TMEM164: variants seen among roughly 807,000 people sequenced by gnomAD.
TMEM164 encodes RP13-360B22.2.
In TMEM164, 4 loss-of-function variants were observed where a neutral mutation model predicts 18.8. The observed-to-expected ratio is 0.21, with a 90% CI of 0.10 to 0.49. TMEM164 has a LOEUF of 0.49. TMEM164 is among the 20% of genes least tolerant of loss of function. The probability of loss-of-function intolerance (pLI) is 0.98; values close to 1 mark genes in which losing one functional copy is unlikely to be tolerated. For synonymous variants in TMEM164, 86 were observed against 101.7 expected, an observed-to-expected ratio of 0.85 and a Z score of 0.93; for missense variants, 108 against 239.9, an observed-to-expected ratio of 0.45 and a Z score of 3.63.
At chrX:110,115,949 G>T (rs749535995) in intron 4 of TMEM164, among the ~76,000 whole-genome samples, 4 of 110,752 alleles carry the variant, frequency 3.6e-5, no homozygotes, top group Non-Finnish European at 5.7e-5. Flanking sequence ...ATAGCTGGGC[G>T]TGGTGGCACA....
At chrX:110,152,306 G>A (rs142298364) in intron 5 of TMEM164, among the ~76,000 whole-genome samples, 1,650 of 109,843 alleles carry the variant, frequency 0.015, 31 homozygotes, top group African/African-American at 0.051. Flanking sequence ...TGCCCACTTC[G>A]GCCTCCCAAA....
chrX:110,059,056 A>C (rs1219327692), intron 2 of TMEM164, among the ~76,000 whole-genome samples: 1 of 111,425 alleles, frequency 9.0e-6, no homozygotes, highest in African/African-American at 3.3e-5. Flanking sequence ...AGAGTCTGTT[A>C]CCAAATCCTA....
chrX:110,020,108 C>T (rs777163332), intron 2 of TMEM164, among the ~76,000 whole-genome samples: 5 of 112,289 alleles, frequency 4.5e-5, no homozygotes, highest in Non-Finnish European at 7.5e-5. Context: ...TCTATTTTAG[C>T]ATGTTATTCT....
At chrX:110,066,290 A>G (rs895382366) in intron 2 of TMEM164, among the ~76,000 whole-genome samples, 5 of 112,091 alleles carry the variant, frequency 4.5e-5, no homozygotes, top group Non-Finnish European at 1.9e-5. Context: ...TATTAATAAG[A>G]GCTCTCAACA....
chrX:110,093,381 T>C (rs931898222), intron 3 of TMEM164, among the ~76,000 whole-genome samples: 8 of 112,078 alleles, frequency 7.1e-5, no homozygotes, highest in Non-Finnish European at 1.1e-4. Flanking sequence ...GTTATTGTTA[T>C]ATTCAGGGAT....
intron 4 of TMEM164, among the ~76,000 whole-genome samples, chrX:110,116,835 TG>T (rs2066371201): frequency 9.5e-6 from 1 of 105,745 alleles, no homozygotes. Flanking sequence ...TGTGTGTGTG[TG>T]TGTGTGTGTG....
At chrX:110,042,260 G>A (rs1349692300) in intron 2 of TMEM164, among the ~76,000 whole-genome samples, 1 of 110,323 alleles carries the variant, frequency 9.1e-6, no homozygotes, top group Non-Finnish European at 1.9e-5. Context: ...GCCTATTCTA[G>A]GAACCTGTTA....
At chrX:110,150,773 G>A (rs986014423) in intron 5 of TMEM164, among the ~76,000 whole-genome samples, 1 of 111,605 alleles carries the variant, frequency 9.0e-6, no homozygotes, top group Non-Finnish European at 1.9e-5. Flanking sequence ...TTCTTGGAGA[G>A]CTTTCCATGT....
intron 3 of TMEM164, among the ~76,000 whole-genome samples, chrX:110,091,442 A>G (rs2065927869): frequency 8.9e-6 from 1 of 111,746 alleles, no homozygotes; most frequent in African/African-American, 3.3e-5. Context: ...TTTGATTTGC[A>G]TTTCTCTGAT....
At chrX:110,141,409 G>T (rs1225566073) in intron 4 of TMEM164, among the ~76,000 whole-genome samples, 1 of 112,220 alleles carries the variant, frequency 8.9e-6, no homozygotes, top group Non-Finnish European at 1.9e-5. Context: ...AGAAAAAGAG[G>T]TTTAATGGAC....
intron 4 of TMEM164, among the ~76,000 whole-genome samples, chrX:110,110,903 C>A (rs1485691918): frequency 8.9e-6 from 1 of 112,427 alleles, no homozygotes; most frequent in Non-Finnish European, 1.9e-5. Flanking sequence ...CTGCAGACCA[C>A]CTGCATCAGA....
chrX:110,154,816 A>G (rs1477611120), intron 5 of TMEM164, among the ~76,000 whole-genome samples: 1 of 111,927 alleles, frequency 8.9e-6, no homozygotes, highest in Non-Finnish European at 1.9e-5. Context: ...GACTGTAGGT[A>G]CAAATCCTAG....
chrX:110,114,568 G>A (rs972962160), intron 4 of TMEM164, among the ~76,000 whole-genome samples: 3 of 111,930 alleles, frequency 2.7e-5, no homozygotes, highest in Non-Finnish European at 5.6e-5. Context: ...CAGTACTCAC[G>A]TGCAAAGCTA....
intron 2 of TMEM164, among the ~76,000 whole-genome samples, chrX:110,021,322 A>AG (rs754270174): frequency 9.0e-6 from 1 of 111,429 alleles, no homozygotes; most frequent in African/African-American, 3.3e-5. Flanking sequence ...GCTGTGCCAC[A>AG]GGTGCCTTGC....
rs990774055 is a variant in TMEM164 at position 110,012,631 on chromosome X, G to T, written c.390+8467G>T. ...TTGCCACCCTACATGCTGACCCCCAGGGTTTCATATTAATGTAAATCTCCC... is the reference window on the plus strand; with the variant it reads ...TTGCCACCCTACATGCTGACCCCCATGGTTTCATATTAATGTAAATCTCCC... On this transcript the variant is annotated intron_variant, in intron 2 of 6. Coordinates refer to ENST00000372068, the MANE Select transcript of TMEM164 (RefSeq NM_032227.4). Among the ~76,000 whole-genome samples the T allele has an allele frequency of 5.6e-4, 63 of 111,861 alleles. No individual in the cohort carries two copies. The Admixed American group carries it at 6.0e-3, about 11-fold the overall frequency.
At chrX:110,059,417 T>C (rs746073052) in intron 2 of TMEM164, among the ~76,000 whole-genome samples, 1 of 112,001 alleles carries the variant, frequency 8.9e-6, no homozygotes, top group East Asian at 2.8e-4. Flanking sequence ...GTCCTCCCAC[T>C]TTTTCTTTTC....
intron 4 of TMEM164, among the ~76,000 whole-genome samples, chrX:110,113,985 C>G (rs970301139): frequency 1.1e-4 from 12 of 111,392 alleles, no homozygotes; most frequent in African/African-American, 3.9e-4. Context: ...ACATGATGAA[C>G]CTATTGATTA....
intron 5 of TMEM164, among the ~76,000 whole-genome samples, chrX:110,170,860 A>G (rs924868200): frequency 2.7e-5 from 3 of 111,941 alleles, no homozygotes; most frequent in Non-Finnish European, 5.6e-5. Flanking sequence ...TATTGTCCCC[A>G]TTTTACAGGC....
intron 3 of TMEM164, among the ~76,000 whole-genome samples, chrX:110,080,687 C>G (rs2065740399): frequency 8.9e-6 from 1 of 111,781 alleles, no homozygotes; most frequent in African/African-American, 3.3e-5. Context: ...GCATAATTCC[C>G]TGGAGAGTTA....
Sources: allele counts gnomAD v4.1 joint callset (sites outside exome capture counted in the v4.1 genomes callset), GRCh38; gene constraint gnomAD v4.1.1; transcripts MANE v1.5; gene names NCBI Gene and HGNC (gene_info 2026-07-23, HGNC 2026-07-21).